DYTN: variants seen among roughly 807,000 people sequenced by gnomAD.
DYTN encodes the protein dystrotelin.
A neutral mutation model predicts 69.6 loss-of-function variants in DYTN; 75 were observed. The ratio of observed to expected loss-of-function variants is 1.08; its 90% confidence interval spans 0.89 to 1.31. The LOEUF is 1.31. DYTN is among the 50% of genes most tolerant of loss of function. DYTN has a pLI of 0.00. For synonymous variants in DYTN, 252 were observed against 249.1 expected (o/e 1.01, Z -0.11); for missense variants, 726 against 688.4 (o/e 1.05, Z -0.61).
intron 11 of DYTN, among the ~76,000 whole-genome samples, chr2:206,656,858 G>A (rs1699456285): frequency 6.6e-6 from 1 of 151,686 alleles, no homozygotes; most frequent in Middle Eastern, 3.4e-3. Context: ...TGCCTCCCGG[G>A]TTCAAGTGAT....
chr2:206,677,151 T>A (rs985941709), intron 9 of DYTN, among the ~76,000 whole-genome samples: 1 of 152,126 alleles, frequency 6.6e-6, no homozygotes. Context: ...TTTCACCACA[T>A]TGGCCAAACT....
intron 1 of DYTN, among the ~76,000 whole-genome samples, chr2:206,717,594 G>GATA (rs1256419621): frequency 1.3e-5 from 2 of 152,190 alleles, no homozygotes; most frequent in African/African-American, 4.8e-5. Flanking sequence ...ATTAATATGA[G>GATA]AGCCCAAATT....
chr2:206,682,046 A>G (rs914689470), intron 9 of DYTN, among the ~76,000 whole-genome samples: 4 of 152,044 alleles, frequency 2.6e-5, no homozygotes, highest in Admixed American at 2.0e-4. Flanking sequence ...TACTGCCTCA[A>G]TTTCAGAACT....
At chr2:206,683,301 A>G (rs1699770916) in intron 9 of DYTN, among the ~76,000 whole-genome samples, 1 of 147,386 alleles carries the variant, frequency 6.8e-6, no homozygotes, top group Non-Finnish European at 1.5e-5. Context: ...TTGGCCTTCC[A>G]TCTGCCCCCA....
rs750463873 is a variant in DYTN at position 206,699,729 on chromosome 2, G to A, written c.717C>T (p.Leu239=). The change falls in exon 7 of 12, where the codon CTC becomes CTT. Residue 239 remains leucine, a splice_region_variant and synonymous_variant. Coordinates refer to ENST00000452335, the MANE Select transcript of DYTN (RefSeq NM_001093730.1). ...AGAAATGCTGCTGATGACTGTACCT[G>A]AGTCCCGTGATTGGGAAAGTCCTGC... ...TLCRTFPITG[L]RYRCLKCLNF... The A allele has an allele frequency of 2.5e-6, 4 of 1,612,474 alleles. No homozygotes were observed. The Admixed American group carries it at 5.0e-5, about 20-fold the overall frequency.
At chr2:206,700,832 A>G (rs1176824838) in intron 5 of DYTN, among the ~76,000 whole-genome samples, 1 of 152,084 alleles carries the variant, frequency 6.6e-6, no homozygotes, top group Non-Finnish European at 1.5e-5. Flanking sequence ...TCATTGTTCA[A>G]CTACCACTTA....
chr2:206,667,558 A>G (rs942338629), intron 9 of DYTN, among the ~76,000 whole-genome samples: 3 of 152,200 alleles, frequency 2.0e-5, no homozygotes, highest in Admixed American at 2.0e-4. Context: ...CAGAGCCTGA[A>G]GAGTCCAGCC....
At chr2:206,717,043 A>AAC (rs71852382) in intron 1 of DYTN, among the ~76,000 whole-genome samples, 11,330 of 143,732 alleles carry the variant, frequency 0.079, 1,078 homozygotes, top group East Asian at 0.45. Flanking sequence ...TGCCGATGCA[A>AAC]ACACACACAC....
intron 9 of DYTN, among the ~76,000 whole-genome samples, chr2:206,683,525 G>A (rs1319022979): frequency 6.6e-6 from 1 of 151,618 alleles, no homozygotes; most frequent in Non-Finnish European, 1.5e-5. Flanking sequence ...TGTATTGTTA[G>A]TAGAGACAGG....
intron 9 of DYTN, among the ~76,000 whole-genome samples, chr2:206,677,856 T>C (rs1699707374): frequency 6.6e-6 from 1 of 152,024 alleles, no homozygotes; most frequent in South Asian, 2.1e-4. Context: ...CTGGGCGTGA[T>C]GCGGGCACCT....
At chr2:206,659,379 T>C (rs1020770401) in intron 11 of DYTN, among the ~76,000 whole-genome samples, 1 of 149,906 alleles carries the variant, frequency 6.7e-6, no homozygotes, top group Non-Finnish European at 1.5e-5. Flanking sequence ...TTTCACCGTG[T>C]TAGCCAGGAT....
In DYTN at chr2:206,702,120, T is replaced by C. The variant is rs1164048725; in HGVS notation, c.484-1904A>G. ...GCTCAATCTGTGCCACCACACTCAG[T>C]GGTTTCCAACTTTCAGCCACAGTCA... On this transcript the variant is annotated intron_variant, in intron 5 of 11. Transcript: ENST00000452335. Among the ~76,000 whole-genome samples the C allele has an allele frequency of 3.3e-5, 5 of 152,174 alleles. No homozygotes were observed. The East Asian group carries it at 9.6e-4, about 29-fold the overall frequency.
intron 7 of DYTN, 43 bp from the exon 8 acceptor site, chr2:206,694,920 G>GGGA (rs1559314276): frequency 1.3e-6 from 1 of 788,952 alleles, no homozygotes; most frequent in Non-Finnish European, 1.7e-6. Flanking sequence ...ACTAGTAGAT[G>GGGA]AGAAAAAAAA....
intron 5 of DYTN, among the ~76,000 whole-genome samples, chr2:206,703,842 G>T (rs1485007524): frequency 6.6e-6 from 1 of 152,160 alleles, no homozygotes; most frequent in Non-Finnish European, 1.5e-5. Flanking sequence ...GGAGCTGGAA[G>T]AATGGAGACA....
chr2:206,662,668 T>C (rs1699525554), intron 11 of DYTN, among the ~76,000 whole-genome samples: 1 of 151,596 alleles, frequency 6.6e-6, no homozygotes, highest in Admixed American at 6.6e-5. Flanking sequence ...GCTCACTATA[T>C]GCCAGGTTCT....
intron 9 of DYTN, among the ~76,000 whole-genome samples, chr2:206,689,967 A>G (rs1026480225): frequency 8.5e-5 from 13 of 152,368 alleles, no homozygotes; most frequent in Admixed American, 2.0e-4. Flanking sequence ...ACTGGAAACA[A>G]TGGACATTCC....
At chr2:206,659,164 CTTTTTTTTTTTTTTT>C (rs758156864) in intron 11 of DYTN, among the ~76,000 whole-genome samples, 1 of 54,278 alleles carries the variant, frequency 1.8e-5, no homozygotes, top group Non-Finnish European at 3.2e-5. Context: ...CTCACAGTCT[CTTTTTTTTTTTTTTT>C]TTTTTTTTTT....
intron 9 of DYTN, among the ~76,000 whole-genome samples, chr2:206,671,397 C>A (rs1699628267): frequency 6.6e-6 from 1 of 152,166 alleles, no homozygotes; most frequent in Non-Finnish European, 1.5e-5. Context: ...TGCTGTGTGC[C>A]CTTTGCAGCC....
At chr2:206,692,422 G>A (rs1296038688) in intron 9 of DYTN, among the ~76,000 whole-genome samples, 2 of 152,126 alleles carry the variant, frequency 1.3e-5, no homozygotes, top group East Asian at 3.9e-4. Flanking sequence ...GTGGCAGGCT[G>A]TGCCCCTCTG....
Sources: gnomAD v4.1 joint callset for allele counts (sites outside exome capture counted in the v4.1 genomes callset) on GRCh38, gnomAD v4.1.1 for gene constraint, MANE v1.5 for transcripts, NCBI Gene and HGNC (gene_info 2026-07-23, HGNC 2026-07-21) for gene names.